The following CACNA2D1 variants were observed in gnomAD, a reference collection of about 807,000 sequenced individuals.
The protein encoded by CACNA2D1 is calcium voltage-gated channel auxiliary subunit alpha2delta 1.
CACNA2D1 carries 53 observed loss-of-function variants against 171.5 expected under a neutral mutation model. That is an observed-to-expected ratio of 0.31 (90% CI 0.25 to 0.39). The LOEUF (loss-of-function observed/expected upper bound fraction) is 0.39. CACNA2D1 is among the 10% of genes least tolerant of loss of function. The pLI, the probability that CACNA2D1 is intolerant of heterozygous loss-of-function variation, is 1.00. For missense variants in CACNA2D1, 903 were observed against 1,299.8 expected (o/e 0.69, Z 4.69); for synonymous variants, 442 against 443.1 (o/e 1.00, Z 0.03).
chr7:82,378,539 T>C (rs1052475145), intron 1 of CACNA2D1, among the ~76,000 whole-genome samples: 3 of 152,224 alleles, frequency 2.0e-5, no homozygotes, highest in Admixed American at 2.0e-4. Flanking sequence ...TTTTTAACGA[T>C]AGAATTTCTT....
chr7:82,267,342 T>C (rs963438652), intron 3 of CACNA2D1, among the ~76,000 whole-genome samples: 4 of 152,200 alleles, frequency 2.6e-5, no homozygotes, highest in East Asian at 3.9e-4. Flanking sequence ...CTTTTGCTTA[T>C]TGATCTGTAG....
intron 1 of CACNA2D1, among the ~76,000 whole-genome samples, chr7:82,383,393 G>T (rs1191074219): frequency 6.6e-6 from 1 of 152,146 alleles, no homozygotes; most frequent in African/African-American, 2.4e-5. Context: ...CCTTCTAGGG[G>T]AGAGAAAGCA....
At position 82,279,097 on chromosome 7, in the gene CACNA2D1, T is replaced by A. The variant is rs183227247; in HGVS notation, c.294+56038A>T. ...GCCAAGGTTTTCTCTTCCATAAAAA[T>A]TTCACTGTATTTTGCAGGCCAACTA... On this transcript the variant is annotated intron_variant, in intron 3 of 38. Transcript: ENST00000356860. Among the ~76,000 whole-genome samples, 707 of 152,272 alleles carry A rather than the reference T, an allele frequency of 4.6e-3. 9 individuals are homozygous for A. Among genetic ancestry groups the A allele is most frequent in the African/African-American group, 0.016 (666 of 41,546 alleles).
intron 1 of CACNA2D1, among the ~76,000 whole-genome samples, chr7:82,393,959 A>AG (rs1825492994): frequency 6.6e-6 from 1 of 152,228 alleles, no homozygotes; most frequent in Admixed American, 6.5e-5. Context: ...AGGGAGCAAC[A>AG]GAAAGGTGGA....
intron 4 of CACNA2D1, among the ~76,000 whole-genome samples, chr7:82,160,675 C>A (rs73387946): frequency 2.0e-5 from 3 of 151,688 alleles, no homozygotes; most frequent in South Asian, 2.1e-4. Flanking sequence ...GGTCTCCTTA[C>A]GTGGCCCAGG....
chr7:82,219,400 C>A (rs1225024106), intron 3 of CACNA2D1, among the ~76,000 whole-genome samples: 1 of 151,996 alleles, frequency 6.6e-6, no homozygotes, highest in African/African-American at 2.4e-5. Flanking sequence ...ATGAAGACAT[C>A]ATGATCCATT....
At chr7:82,222,521 G>A (rs1801875895) in intron 3 of CACNA2D1, among the ~76,000 whole-genome samples, 1 of 152,152 alleles carries the variant, frequency 6.6e-6, no homozygotes, top group Non-Finnish European at 1.5e-5. Context: ...AATGAATGAA[G>A]GTTGTTCTAC....
chr7:82,338,702 G>A (rs1408884081), intron 2 of CACNA2D1, among the ~76,000 whole-genome samples: 1 of 152,176 alleles, frequency 6.6e-6, no homozygotes, highest in Non-Finnish European at 1.5e-5. Flanking sequence ...AATGTCTAGA[G>A]CAGCCGAAGG....
chr7:81,967,971 C>T (rs1794886384), intron 29 of CACNA2D1, among the ~76,000 whole-genome samples: 1 of 151,306 alleles, frequency 6.6e-6, no homozygotes, highest in African/African-American at 2.4e-5. Context: ...AAGATGTTTC[C>T]CTAACCCCAC....
At chr7:82,112,499 T>C (rs909750482) in intron 6 of CACNA2D1, among the ~76,000 whole-genome samples, 1 of 152,190 alleles carries the variant, frequency 6.6e-6, no homozygotes, top group African/African-American at 2.4e-5. Context: ...AGCACAACTA[T>C]TCCATCTGAA....
intron 1 of CACNA2D1, among the ~76,000 whole-genome samples, chr7:82,433,747 C>G (rs901356825): frequency 1.5e-4 from 23 of 152,302 alleles, no homozygotes; most frequent in African/African-American, 5.5e-4. Flanking sequence ...ACACCTTCCC[C>G]ACCCTTCTCA....
intron 3 of CACNA2D1, among the ~76,000 whole-genome samples, chr7:82,273,323 T>C (rs2129354535): frequency 6.6e-6 from 1 of 152,006 alleles, no homozygotes; most frequent in South Asian, 2.1e-4. Flanking sequence ...TATTTCTATA[T>C]AAAAATGTTT....
intron 3 of CACNA2D1, among the ~76,000 whole-genome samples, chr7:82,262,722 G>A (rs1002038245): frequency 9.2e-5 from 14 of 152,046 alleles, no homozygotes; most frequent in Admixed American, 8.5e-4. Context: ...TTTCTCTCAT[G>A]AAACAAGCCA....
intron 29 of CACNA2D1, 44 bp from the exon 30 acceptor site, chr7:81,967,707 A>G (rs1175560821): frequency 3.4e-6 from 3 of 874,618 alleles, no homozygotes; most frequent in Admixed American, 3.9e-5. Context: ...AATTAGATGT[A>G]ATACAACCTT....
At chr7:82,146,327 CGTGTGT>C (rs1198136888) in intron 4 of CACNA2D1, among the ~76,000 whole-genome samples, 5 of 109,786 alleles carry the variant, frequency 4.6e-5, no homozygotes, top group Non-Finnish European at 1.0e-4. Context: ...TGTGTGTGTG[CGTGTGT>C]GTGTGTGTAG....
At chr7:82,114,756 A>G (rs190621136) in intron 6 of CACNA2D1, among the ~76,000 whole-genome samples, 1,869 of 107,838 alleles carry the variant, frequency 0.017, 15 homozygotes, top group Middle Eastern at 0.034. Context: ...ACTCCGTCCC[A>G]GAAGAAAAAA....
At chr7:82,235,334 G>A (rs1229251535) in intron 3 of CACNA2D1, among the ~76,000 whole-genome samples, 1 of 152,100 alleles carries the variant, frequency 6.6e-6, no homozygotes, top group African/African-American at 2.4e-5. Flanking sequence ...TAAACCAGCT[G>A]TTCCACCTGT....
At chr7:82,327,165 A>G in intron 3 of CACNA2D1, among the ~76,000 whole-genome samples, 1 of 152,238 alleles carries the variant, frequency 6.6e-6, no homozygotes, top group East Asian at 1.9e-4. Context: ...AAATCCTGAA[A>G]AAGTCTTAAC....
intron 12 of CACNA2D1, among the ~76,000 whole-genome samples, chr7:82,021,810 G>A (rs1801245071): frequency 6.6e-6 from 1 of 152,024 alleles, no homozygotes; most frequent in Admixed American, 6.6e-5. Flanking sequence ...AGAGACAACT[G>A]TAGAAAGGTT....
Sources: allele counts gnomAD v4.1 joint callset (sites outside exome capture counted in the v4.1 genomes callset), GRCh38; gene constraint gnomAD v4.1.1; transcripts MANE v1.5; gene names NCBI Gene and HGNC (gene_info 2026-07-23, HGNC 2026-07-21).